RFC3: variants seen among roughly 807,000 people sequenced by gnomAD.
The protein encoded by RFC3 is replication factor C subunit 3.
RFC3 carries 41 observed loss-of-function variants against 45.1 expected under a neutral mutation model. The ratio of observed to expected loss-of-function variants is 0.91; its 90% CI spans 0.71 to 1.18. The LOEUF (loss-of-function observed/expected upper bound fraction) is 1.18, where lower values mean the gene tolerates loss of function less well. Ranked by LOEUF, RFC3 falls within the 50% of genes most tolerant of loss-of-function variation. RFC3 has a pLI of 0.00. For missense variants in RFC3, 423 were observed against 428.1 expected, an observed-to-expected ratio of 0.99 and a Z score of 0.10; for synonymous variants, 149 against 144.0, an observed-to-expected ratio of 1.03 and a Z score of -0.25.
intron 8 of RFC3, among the ~76,000 whole-genome samples, chr13:33,949,017 T>C (rs2082971699): frequency 6.6e-6 from 1 of 152,088 alleles, no homozygotes; most frequent in Non-Finnish European, 1.5e-5. Flanking sequence ...GACATGATTG[T>C]GTTTTGAAAT....
intron 8 of RFC3, among the ~76,000 whole-genome samples, chr13:33,902,326 AAT>A (rs1475377140): frequency 6.6e-6 from 1 of 152,084 alleles, no homozygotes; most frequent in Non-Finnish European, 1.5e-5. Flanking sequence ...AGGCAGGATG[AAT>A]GTAGGTGGAG....
intron 8 of RFC3, among the ~76,000 whole-genome samples, chr13:33,908,066 A>G (rs1451440702): frequency 6.6e-6 from 1 of 151,922 alleles, no homozygotes; most frequent in African/African-American, 2.4e-5. Flanking sequence ...CTTTTTAAGG[A>G]TATGCTGAAA....
At chr13:33,899,682 TC>T (rs1407491865) in intron 8 of RFC3, among the ~76,000 whole-genome samples, 1 of 151,676 alleles carries the variant, frequency 6.6e-6, no homozygotes, top group African/African-American at 2.4e-5. Flanking sequence ...CCTGGCTAGA[TC>T]AATTAGACAA....
intron 5 of RFC3, 79 bp downstream of exon 5, chr13:33,830,096 A>T: frequency 7.7e-7 from 1 of 1,299,998 alleles, no homozygotes. Flanking sequence ...AAAAGAAGGG[A>T]ATCGTATCAG....
intron 8 of RFC3, chr13:33,849,184 C>T (rs1417108695): frequency 6.6e-6 from 1 of 152,160 alleles, no homozygotes; most frequent in Non-Finnish European, 1.5e-5. Context: ...CAGTAATTTA[C>T]ATAGTCCAGG....
intron 8 of RFC3, among the ~76,000 whole-genome samples, chr13:33,938,208 A>AAAAAAAAAAAAAAAAAAAAAAT (rs2082900461): frequency 6.8e-6 from 1 of 147,070 alleles, no homozygotes; most frequent in African/African-American, 2.5e-5. Flanking sequence ...AAAAAAAAAA[A>AAAAAAAAAAAAAAAAAAAAAAT]GTAAGAGTTG....
intron 8 of RFC3, among the ~76,000 whole-genome samples, chr13:33,871,115 A>C (rs1176031482): frequency 6.6e-6 from 1 of 152,228 alleles, no homozygotes; most frequent in Non-Finnish European, 1.5e-5. Context: ...GTCAGAGACA[A>C]AATTGGAACC....
At chr13:33,960,967 A>G (rs898362491) in intron 8 of RFC3, among the ~76,000 whole-genome samples, 2 of 152,188 alleles carry the variant, frequency 1.3e-5, no homozygotes, top group East Asian at 1.9e-4. Flanking sequence ...GCCATTCCCT[A>G]TCAACTTAGG....
At chr13:33,955,628 A>G (rs1198375882) in intron 8 of RFC3, among the ~76,000 whole-genome samples, 3 of 152,242 alleles carry the variant, frequency 2.0e-5, no homozygotes, top group Non-Finnish European at 4.4e-5. Context: ...AGTTTTAAAA[A>G]TATCAAATTA....
rs1172365677 is a variant in RFC3, at chr13:33,836,358, AAG to A, written c.*66_*67del. 2.6e-6 allele frequency: 4 copies of A among 1,562,784 alleles called. No homozygotes were observed. In the African/African-American group the frequency reaches 5.5e-5, roughly 21 times the overall value. ...AGTATTTACATACAGCTTATATTAA[AAG>A]AGCTGTGGGTAAATTAACTGAACTT... On this transcript the variant is annotated 3_prime_UTR_variant, in exon 9 of 9. Coordinates refer to ENST00000380071, the MANE Select transcript of RFC3 (RefSeq NM_002915.4).
At chr13:33,933,500 C>G (rs907383446) in intron 8 of RFC3, among the ~76,000 whole-genome samples, 1 of 151,970 alleles carries the variant, frequency 6.6e-6, no homozygotes, top group Non-Finnish European at 1.5e-5. Context: ...TTAAGAAACC[C>G]TAGCTTAGGT....
intron 5 of RFC3, 140 bp from the exon 6 acceptor site, chr13:33,830,576 AGTG>A (rs2082092668): frequency 3.7e-6 from 2 of 546,298 alleles, no homozygotes; most frequent in South Asian, 6.4e-5. Flanking sequence ...TTAGATGCAG[AGTG>A]GTAAGTTACT....
intron 8 of RFC3, among the ~76,000 whole-genome samples, chr13:33,851,446 T>G (rs1000782366): frequency 6.6e-6 from 1 of 152,122 alleles, no homozygotes; most frequent in Admixed American, 6.5e-5. Flanking sequence ...TATTACATTC[T>G]TACCATAAAG....
At chr13:33,896,295 A>T (rs571891926) in intron 8 of RFC3, among the ~76,000 whole-genome samples, 1 of 152,242 alleles carries the variant, frequency 6.6e-6, no homozygotes, top group Non-Finnish European at 1.5e-5. Context: ...CTTCAAATAG[A>T]TGTAAATATA....
At chr13:33,943,274 C>T (rs974733105) in intron 8 of RFC3, among the ~76,000 whole-genome samples, 5 of 152,104 alleles carry the variant, frequency 3.3e-5, no homozygotes, top group Non-Finnish European at 5.9e-5. Context: ...CTTCATAACA[C>T]GGCATAAGGT....
At chr13:33,895,775 A>G (rs2082593771) in intron 8 of RFC3, among the ~76,000 whole-genome samples, 1 of 152,162 alleles carries the variant, frequency 6.6e-6, no homozygotes, top group South Asian at 2.1e-4. Flanking sequence ...CCAACCAAAG[A>G]GTGGATAATG....
intron 8 of RFC3, among the ~76,000 whole-genome samples, chr13:33,888,642 A>T (rs1333844123): frequency 6.6e-6 from 1 of 152,190 alleles, no homozygotes; most frequent in South Asian, 2.1e-4. Flanking sequence ...TCCAGATCTC[A>T]TATAGCAGAT....
At chr13:33,818,375 G>T (rs2081968173) in intron 1 of RFC3, 110 bp downstream of exon 1, 2 of 791,046 alleles carry the variant, frequency 2.5e-6, no homozygotes, top group South Asian at 3.3e-5. Context: ...GGTGATAAGT[G>T]CTATGGAGAA....
At chr13:33,897,480 C>T (rs2082608147) in intron 8 of RFC3, among the ~76,000 whole-genome samples, 1 of 150,950 alleles carries the variant, frequency 6.6e-6, no homozygotes. Flanking sequence ...AATTACTTAA[C>T]CATAAAGGAA....
Sources: allele counts gnomAD v4.1 joint callset (sites outside exome capture counted in the v4.1 genomes callset), GRCh38; gene constraint gnomAD v4.1.1; transcripts MANE v1.5; gene names NCBI Gene and HGNC (gene_info 2026-07-23, HGNC 2026-07-21).